MEF2C: variants seen among roughly 807,000 people sequenced by gnomAD.
MEF2C encodes the protein myocyte enhancer factor 2C.
Under a neutral mutation model 50.5 loss-of-function variants are expected in MEF2C, and 6 were observed. The observed-to-expected ratio is 0.12, with a 90% CI of 0.07 to 0.23. The LOEUF (loss-of-function observed/expected upper bound fraction) is 0.23, where lower values mean the gene tolerates loss of function less well. Ranked by LOEUF, MEF2C falls within the 10% of genes least tolerant of loss-of-function variation. The probability of loss-of-function intolerance (pLI) is 1.00; values close to 1 mark genes in which losing one functional copy is unlikely to be tolerated. For missense variants in MEF2C, 276 were observed against 605.0 expected, an observed-to-expected ratio of 0.46 and a Z score of 5.70; for synonymous variants, 183 against 228.0, an observed-to-expected ratio of 0.80 and a Z score of 1.78.
intron 3 of MEF2C, among the ~76,000 whole-genome samples, chr5:88,788,178 G>GTTTA (rs70996495): frequency 0.13 from 11,273 of 89,068 alleles, 633 homozygotes; most frequent in African/African-American, 0.2. Context: ...TTGTTTGTTT[G>GTTTA]TTTATTTATT....
intron 6 of MEF2C, chr5:88,734,565 GTTTTTTTTTT>G (rs66505441): frequency 4.1e-4 from 221 of 541,696 alleles, no homozygotes; most frequent in Middle Eastern, 1.2e-3. Flanking sequence ...AGAAAAGTTT[GTTTTTTTTTT>G]TTTTTTTTTT....
intron 6 of MEF2C, chr5:88,740,487 A>T: frequency 1.0e-6 from 1 of 983,366 alleles, no homozygotes; most frequent in Non-Finnish European, 1.2e-6. Flanking sequence ...CTTTTGACAG[A>T]TGAGGAAACT....
chr5:88,861,335 T>C (rs1475106470), intron 1 of MEF2C, among the ~76,000 whole-genome samples: 5 of 152,352 alleles, frequency 3.3e-5, no homozygotes, highest in Non-Finnish European at 7.4e-5. Context: ...TTCCCTGGCA[T>C]TGTTACTTGT....
At chr5:88,828,864 T>C (rs1811962935) in intron 1 of MEF2C, among the ~76,000 whole-genome samples, 1 of 151,954 alleles carries the variant, frequency 6.6e-6, no homozygotes, top group Non-Finnish European at 1.5e-5. Context: ...ATGTCTTGAG[T>C]TGAGGAGGAT....
chr5:88,823,450 T>C (rs1282321750), intron 2 of MEF2C, among the ~76,000 whole-genome samples: 1 of 151,974 alleles, frequency 6.6e-6, no homozygotes, highest in African/African-American at 2.4e-5. Flanking sequence ...GATTAACTCT[T>C]AATTATCAAG....
At position 88,718,622 on chromosome 5, in the gene MEF2C, G is replaced by A. The variant is rs990361168; in HGVS notation, c.*3982C>T. On this transcript the variant is annotated 3_prime_UTR_variant, in exon 11 of 11. Coordinates refer to ENST00000504921, the MANE Select transcript of MEF2C (RefSeq NM_002397.5). ...ACAGTGACCCAGGTCTACTTTGCTCGAAGAGAACACTGGTACTGCATTCAA... is the reference window on the plus strand; with the variant it reads ...ACAGTGACCCAGGTCTACTTTGCTCAAAGAGAACACTGGTACTGCATTCAA... 1.3e-5 allele frequency: 2 copies of A among 152,148 alleles called. No individual in the cohort carries two copies. The highest frequency in any genetic ancestry group is 2.9e-5 in the Non-Finnish European group (2 of 68,018). The allele number at this position is 152,148 out of a possible 1,614,324, so 9.4% of individuals were successfully genotyped here.
chr5:88,819,539 G>A, intron 2 of MEF2C: 1 of 206,458 alleles, frequency 4.8e-6, no homozygotes. Context: ...TACTGCTTCT[G>A]GAATGCTGTC....
At chr5:88,858,945 G>A (rs1208547634) in intron 1 of MEF2C, among the ~76,000 whole-genome samples, 2 of 152,308 alleles carry the variant, frequency 1.3e-5, no homozygotes, top group East Asian at 1.9e-4. Flanking sequence ...AAACCATTCT[G>A]AGGCCTATGT....
At chr5:88,756,834 A>G (rs1003869383) in intron 4 of MEF2C, among the ~76,000 whole-genome samples, 6 of 152,172 alleles carry the variant, frequency 3.9e-5, no homozygotes, top group Non-Finnish European at 7.3e-5. Flanking sequence ...GTAGTTAAAA[A>G]CACCAAACTT....
intron 1 of MEF2C, chr5:88,892,282 CTGTT>C (rs1834676452): frequency 6.6e-6 from 1 of 152,060 alleles, no homozygotes; most frequent in Admixed American, 6.6e-5. Flanking sequence ...CACATGGTAA[CTGTT>C]TGATTATGCA....
chr5:88,727,859 AAG>A (rs1273908918), intron 10 of MEF2C, among the ~76,000 whole-genome samples: 8 of 152,090 alleles, frequency 5.3e-5, no homozygotes, highest in Admixed American at 2.6e-4. Flanking sequence ...GATAAATGAC[AAG>A]AGTCATTTCT....
intron 1 of MEF2C, 133 bp downstream of exon 1, chr5:88,882,822 C>T (rs1414338849): frequency 2.0e-5 from 3 of 152,110 alleles, no homozygotes; most frequent in Non-Finnish European, 4.4e-5. Flanking sequence ...AAAGAATGCA[C>T]AACGAGCCTC....
intron 3 of MEF2C, among the ~76,000 whole-genome samples, chr5:88,769,016 T>A (rs114233361): frequency 1.3e-3 from 200 of 152,192 alleles, no homozygotes; most frequent in African/African-American, 4.7e-3. Flanking sequence ...TGCCAGAAAG[T>A]CATAAGCATA....
intron 2 of MEF2C, among the ~76,000 whole-genome samples, chr5:88,818,157 T>C (rs1211996475): frequency 1.3e-5 from 2 of 152,012 alleles, no homozygotes; most frequent in Non-Finnish European, 2.9e-5. Context: ...ACTACCCTGA[T>C]TTGATCACTA....
At chr5:88,750,181 T>C in intron 5 of MEF2C, 1 of 729,266 alleles carries the variant, frequency 1.4e-6, no homozygotes, top group Non-Finnish European at 1.7e-6. Flanking sequence ...AAAATGTTTG[T>C]TTATATATAT....
In MEF2C at chr5:88,720,017, T is replaced by G. The variant is rs1277323644; in HGVS notation, c.*2587A>C. On this transcript the variant is annotated 3_prime_UTR_variant, in exon 11 of 11. Transcript: ENST00000504921. The stretch of plus-strand genomic sequence containing the variant: ...CAGGTTAAAAAACTAATATGGCTAT[T>G]TCTTCATATTTTCATGTAATGACCC... 2.0e-5 allele frequency: 3 copies of G among 152,172 alleles called. No individual in the cohort carries two copies. Among genetic ancestry groups the G allele is most frequent in the South Asian group, 4.1e-4 (2 of 4,826 alleles). The allele number at this position is 152,172 out of a possible 1,614,324, so 9.4% of individuals were successfully genotyped here.
chr5:88,860,813 A>C (rs1390110396), intron 1 of MEF2C, among the ~76,000 whole-genome samples: 1 of 152,230 alleles, frequency 6.6e-6, no homozygotes, highest in East Asian at 1.9e-4. Flanking sequence ...GAGAAAAAAA[A>C]AATGTTCTTC....
intron 10 of MEF2C, among the ~76,000 whole-genome samples, chr5:88,727,246 A>G (rs1759257129): frequency 6.6e-6 from 1 of 152,166 alleles, no homozygotes; most frequent in Non-Finnish European, 1.5e-5. Context: ...TATGTAATGT[A>G]TCTTCAAAGT....
At chr5:88,772,481 T>G (rs780098367) in intron 3 of MEF2C, 1 of 154,780 alleles carries the variant, frequency 6.5e-6, no homozygotes, top group African/African-American at 2.4e-5. Flanking sequence ...TGGGGAACAT[T>G]CTCTATGTTG....
Sources: gnomAD v4.1 joint callset for allele counts (sites outside exome capture counted in the v4.1 genomes callset) on GRCh38, gnomAD v4.1.1 for gene constraint, MANE v1.5 for transcripts, NCBI Gene and HGNC (gene_info 2026-07-23, HGNC 2026-07-21) for gene names.